Variants in TECRL observed in about 807,000 individuals in gnomAD.
TECRL encodes trans-2,3-enoyl-CoA reductase-like.
A neutral mutation model predicts 52.8 loss-of-function variants in TECRL; 63 were observed. That is an observed-to-expected ratio of 1.19 (90% confidence interval 0.97 to 1.47). The LOEUF is 1.47. Among genes scored for constraint, TECRL ranks in the 40% most tolerant of loss-of-function variants. The pLI is 0.00. For missense variants in TECRL, 482 were observed against 429.6 expected (o/e 1.12, Z -1.08); for synonymous variants, 164 against 141.9 (o/e 1.16, Z -1.10).
chr4:64,400,088 C>T (rs553717764), intron 1 of TECRL, among the ~76,000 whole-genome samples: 2 of 152,328 alleles, frequency 1.3e-5, no homozygotes, highest in Admixed American at 1.3e-4. Flanking sequence ...AGGGACTGAA[C>T]CCTGCAAAGT....
intron 2 of TECRL, among the ~76,000 whole-genome samples, chr4:64,367,088 C>T (rs370609932): frequency 1.8e-4 from 28 of 152,192 alleles, no homozygotes; most frequent in African/African-American, 6.7e-4. Context: ...TTTGCATCAA[C>T]ATGGATGGAG....
chr4:64,391,869 G>T (rs1360211052), intron 1 of TECRL, among the ~76,000 whole-genome samples: 3 of 151,866 alleles, frequency 2.0e-5, no homozygotes, highest in Non-Finnish European at 2.9e-5. Context: ...CTGTCACACT[G>T]TCTTTGTTAC....
intron 8 of TECRL, among the ~76,000 whole-genome samples, chr4:64,295,941 C>T (rs1277119998): frequency 1.3e-5 from 2 of 151,728 alleles, no homozygotes; most frequent in Admixed American, 6.6e-5. Flanking sequence ...AAATTGATTC[C>T]TGTGTATGTT....
intron 2 of TECRL, among the ~76,000 whole-genome samples, chr4:64,372,850 T>C (rs1722073673): frequency 6.6e-6 from 1 of 151,638 alleles, no homozygotes; most frequent in African/African-American, 2.4e-5. Flanking sequence ...AAAAGTAAAG[T>C]TTTTTAAAAC....
intron 3 of TECRL, among the ~76,000 whole-genome samples, chr4:64,324,756 T>C (rs1233555912): frequency 1.3e-5 from 2 of 152,182 alleles, no homozygotes; most frequent in African/African-American, 4.8e-5. Context: ...TTGATTACTA[T>C]TTGTAAAATA....
chr4:64,355,736 A>C (rs1257573976), intron 2 of TECRL, among the ~76,000 whole-genome samples: 7 of 148,084 alleles, frequency 4.7e-5, no homozygotes, highest in Non-Finnish European at 4.5e-5. Context: ...CGGAGCTTGC[A>C]GTGAGCCGAG....
rs186877047 is a variant in TECRL, at chr4:64,407,392, G to A, written c.234+1726C>T. 4.1e-3 allele frequency among the ~76,000 whole-genome samples: 617 copies of A among 151,528 alleles called. 4 individuals carry two copies. The highest frequency in any genetic ancestry group is 6.9e-3 in the Non-Finnish European group (468 of 67,832). On this transcript the variant is annotated intron_variant, in intron 1 of 11. Coordinates refer to ENST00000381210, the MANE Select transcript of TECRL (RefSeq NM_001010874.5). The stretch of plus-strand genomic sequence containing the variant: ...ATTTTTTTCACAATTTAATTAACAC[G>A]TAAAAATATAAAAATCCCTGTCTTA...
At chr4:64,340,591 G>A (rs1481369822) in intron 2 of TECRL, among the ~76,000 whole-genome samples, 2 of 152,226 alleles carry the variant, frequency 1.3e-5, no homozygotes, top group African/African-American at 2.4e-5. Flanking sequence ...GACAAGCAAG[G>A]GAGGAAAGCC....
intron 4 of TECRL, among the ~76,000 whole-genome samples, chr4:64,321,877 C>T (rs1250629129): frequency 1.3e-5 from 2 of 152,140 alleles, no homozygotes; most frequent in East Asian, 3.9e-4. Flanking sequence ...GCCTGAGAAC[C>T]TCCTTTTTAA....
chr4:64,343,846 G>A (rs950569020), intron 2 of TECRL, among the ~76,000 whole-genome samples: 1 of 151,788 alleles, frequency 6.6e-6, no homozygotes, highest in African/African-American at 2.4e-5. Flanking sequence ...GAGCCACGGA[G>A]AGAAAAAAAT....
chr4:64,293,344 A>G (rs564655829), intron 8 of TECRL, among the ~76,000 whole-genome samples: 299 of 152,244 alleles, frequency 2.0e-3, no homozygotes, highest in Non-Finnish European at 2.7e-3. Context: ...TGTTCAGTGT[A>G]GGGCAGTATC....
chr4:64,320,711 C>T (rs991952323), intron 4 of TECRL, among the ~76,000 whole-genome samples: 7 of 152,162 alleles, frequency 4.6e-5, no homozygotes, highest in South Asian at 4.1e-4. Context: ...GTTCCCTTTT[C>T]GTTGTAAATG....
intron 1 of TECRL, among the ~76,000 whole-genome samples, chr4:64,385,920 C>T (rs1723150892): frequency 6.6e-6 from 1 of 152,112 alleles, no homozygotes; most frequent in African/African-American, 2.4e-5. Flanking sequence ...GGGCTTCTTG[C>T]TTTACTTTCT....
chr4:64,315,154 C>A (rs1360657388), intron 4 of TECRL, among the ~76,000 whole-genome samples: 1 of 151,776 alleles, frequency 6.6e-6, no homozygotes, highest in East Asian at 1.9e-4. Flanking sequence ...TTTTCTTTTT[C>A]TTTTTCTTAT....
intron 1 of TECRL, among the ~76,000 whole-genome samples, chr4:64,393,796 A>G (rs1017892271): frequency 6.6e-6 from 1 of 151,988 alleles, no homozygotes; most frequent in African/African-American, 2.4e-5. Flanking sequence ...GGAGTGTTCA[A>G]GAAGGTCAGA....
chr4:64,284,294 T>C (rs1303219955), intron 9 of TECRL, among the ~76,000 whole-genome samples: 1 of 151,946 alleles, frequency 6.6e-6, no homozygotes, highest in Non-Finnish European at 1.5e-5. Flanking sequence ...GGAAAGAAGG[T>C]GCTAAGTGCC....
At chr4:64,285,314 T>C (rs1156358699) in intron 9 of TECRL, among the ~76,000 whole-genome samples, 1 of 152,124 alleles carries the variant, frequency 6.6e-6, no homozygotes, top group Non-Finnish European at 1.5e-5. Context: ...TAGAGTTGAC[T>C]GAGTCCATTC....
chr4:64,382,266 ATATAT>A (rs1412341314), intron 1 of TECRL, among the ~76,000 whole-genome samples: 8 of 143,714 alleles, frequency 5.6e-5, no homozygotes, highest in African/African-American at 1.8e-4. Context: ...ATATTATGTT[ATATAT>A]TATATATTAT....
intron 5 of TECRL, among the ~76,000 whole-genome samples, chr4:64,312,114 A>C (rs964051292): frequency 6.6e-6 from 1 of 152,212 alleles, no homozygotes; most frequent in African/African-American, 2.4e-5. Context: ...TGGTTCGGTC[A>C]CATATAGAAA....
Sources: gnomAD v4.1 joint callset for allele counts (sites outside exome capture counted in the v4.1 genomes callset) on GRCh38, gnomAD v4.1.1 for gene constraint, MANE v1.5 for transcripts, NCBI Gene and HGNC (gene_info 2026-07-23, HGNC 2026-07-21) for gene names.